Variants in FAM200C observed in about 807,000 individuals in gnomAD.
the FAM200C span, among the ~76,000 whole-genome samples, chr5:160,398,537 C>CA: frequency 2.6e-4 from 39 of 152,228 alleles, no homozygotes; most frequent in African/African-American, 8.2e-4. Flanking sequence ...GACTCTGTCT[C>CA]AAAAACAAAA....
the FAM200C span, chr5:160,393,431 A>G: frequency 1.1e-5 from 4 of 360,852 alleles, no homozygotes; most frequent in Non-Finnish European, 2.0e-5. Flanking sequence ...TGGATATTCT[A>G]GTGCTTAGGT....
the FAM200C span, chr5:160,395,556 T>C: frequency 7.7e-7 from 1 of 1,298,776 alleles, no homozygotes; most frequent in Non-Finnish European, 1.1e-6. Flanking sequence ...GAGTAAAATA[T>C]AACCCACACA....
At chr5:160,397,293 G>A in the FAM200C span, 1 of 152,182 alleles carries the variant, frequency 6.6e-6, no homozygotes, top group Non-Finnish European at 1.5e-5. Context: ...TGGTCCCAAT[G>A]CTTTAATAGA....
At chr5:160,394,080 T>G in the FAM200C span, 1 of 1,613,022 alleles carries the variant, frequency 6.2e-7, no homozygotes, top group Non-Finnish European at 8.5e-7. Context: ...ATCCATTTAC[T>G]TGCCTCATTA....
At chr5:160,399,190 T>A in the FAM200C span, among the ~76,000 whole-genome samples, 2 of 152,232 alleles carry the variant, frequency 1.3e-5, no homozygotes, top group African/African-American at 4.8e-5. Flanking sequence ...TGAGAGATTA[T>A]CTTCAGATGC....
At chr5:160,398,217 C>T in the FAM200C span, among the ~76,000 whole-genome samples, 3 of 151,884 alleles carry the variant, frequency 2.0e-5, no homozygotes, top group South Asian at 2.1e-4. Context: ...GCTGAGATCA[C>T]GCCACTGCAC....
the FAM200C span, among the ~76,000 whole-genome samples, chr5:160,398,478 G>A: frequency 6.6e-6 from 1 of 152,226 alleles, no homozygotes; most frequent in Non-Finnish European, 1.5e-5. Flanking sequence ...AGAGGTTGCA[G>A]TGAGCCGAGA....
At chr5:160,397,466 A>G in the FAM200C span, 3 of 152,234 alleles carry the variant, frequency 2.0e-5, no homozygotes, top group Non-Finnish European at 4.4e-5. Context: ...TATCTCCAAG[A>G]TAAGTAAGTG....
At chr5:160,395,978 G>A in the FAM200C span, among the ~76,000 whole-genome samples, 3 of 152,042 alleles carry the variant, frequency 2.0e-5, no homozygotes, top group Non-Finnish European at 4.4e-5. Context: ...AATAAGGAAG[G>A]GTGGATTCTG....
At chr5:160,399,111 C>T in the FAM200C span, among the ~76,000 whole-genome samples, 1 of 152,106 alleles carries the variant, frequency 6.6e-6, no homozygotes, top group Non-Finnish European at 1.5e-5. Context: ...ATTTTGGAAA[C>T]TTTCCATAAT....
chr5:160,393,179 T>C, the FAM200C span: 1 of 152,434 alleles, frequency 6.6e-6, no homozygotes, highest in Non-Finnish European at 1.5e-5. Flanking sequence ...TAATATGATA[T>C]TCATAGCACA....
chr5:160,399,800 A>G, the FAM200C span: 3 of 148,842 alleles, frequency 2.0e-5, no homozygotes, highest in Non-Finnish European at 4.4e-5. Context: ...AAAAAGACTC[A>G]GCGCGGTCTC....
chr5:160,394,891 G>T, the FAM200C span: 1 of 1,612,458 alleles, frequency 6.2e-7, no homozygotes. Context: ...ATTCTTCTAC[G>T]ATCTCTCTTT....
chr5:160,395,377 T>C, the FAM200C span: 8 of 1,614,052 alleles, frequency 5.0e-6, no homozygotes, highest in Admixed American at 1.2e-4. Flanking sequence ...GGTCAGCATT[T>C]GAAAATACTG....
chr5:160,395,656 G>A, the FAM200C span: 2 of 640,438 alleles, frequency 3.1e-6, no homozygotes, highest in Admixed American at 2.9e-5. Context: ...ATGTCAATTC[G>A]AAGTAAGCCA....
chr5:160,394,173 C>G, the FAM200C span: 6 of 1,610,352 alleles, frequency 3.7e-6, no homozygotes, highest in East Asian at 6.7e-5. Context: ...ATGAATATGC[C>G]TTCATTATCT....
chr5:160,399,445 G>A, the FAM200C span, among the ~76,000 whole-genome samples: 1 of 152,190 alleles, frequency 6.6e-6, no homozygotes, highest in Non-Finnish European at 1.5e-5. Context: ...ATCATGATAG[G>A]CGCAGGTGTC....
chr5:160,398,650 T>C, the FAM200C span, among the ~76,000 whole-genome samples: 1 of 152,194 alleles, frequency 6.6e-6, no homozygotes, highest in Non-Finnish European at 1.5e-5. Context: ...TTTTGAACAG[T>C]TTTAGGAAAA....
At chr5:160,399,723 T>C in the FAM200C span, 2 of 151,782 alleles carry the variant, frequency 1.3e-5, no homozygotes, top group African/African-American at 4.8e-5. Context: ...ATGGTGTTAC[T>C]GTTAAGGACG....
Sources: gnomAD v4.1 joint callset for allele counts (sites outside exome capture counted in the v4.1 genomes callset) on GRCh38, gnomAD v4.1.1 for gene constraint, MANE v1.5 for transcripts.